The following PCDHA3 variants were observed in gnomAD, a reference collection of about 807,000 sequenced individuals.
PCDHA3 encodes the protein protocadherin alpha 3, also known as protocadherin alpha-3.
In PCDHA3, 41 loss-of-function variants were observed where a neutral mutation model predicts 62.2. That is an observed-to-expected ratio of 0.66 (90% CI 0.51 to 0.86). The LOEUF (loss-of-function observed/expected upper bound fraction) is 0.86, where lower values mean the gene tolerates loss of function less well. Among genes scored for constraint, PCDHA3 ranks in the 40% least tolerant of loss-of-function variants. The pLI is 0.00. For missense variants in PCDHA3, 1,304 were observed against 1,241.2 expected, an observed-to-expected ratio of 1.05 and a Z score of -0.76; for synonymous variants, 640 against 555.4, an observed-to-expected ratio of 1.15 and a Z score of -2.14.
chr5:140,875,917 G>A, intron 1 of PCDHA3: 1 of 1,614,146 alleles, frequency 6.2e-7, no homozygotes, highest in Non-Finnish European at 8.5e-7. Flanking sequence ...TGCGCCTCTG[G>A]ACTCTCATTT....
chr5:140,954,360 A>G (rs1203050549), intron 1 of PCDHA3, among the ~76,000 whole-genome samples: 2 of 152,212 alleles, frequency 1.3e-5, no homozygotes, highest in African/African-American at 4.8e-5. Flanking sequence ...GAATCGCCAC[A>G]CAGTCTCCCA....
chr5:140,816,829 G>A (rs1766003060), intron 1 of PCDHA3: 1 of 151,604 alleles, frequency 6.6e-6, no homozygotes, highest in African/African-American at 2.4e-5. Context: ...TTTTCCCTCT[G>A]TGGTGTCTGT....
intron 1 of PCDHA3, among the ~76,000 whole-genome samples, chr5:140,926,146 G>T (rs553563976): frequency 6.6e-5 from 10 of 152,056 alleles, no homozygotes; most frequent in Non-Finnish European, 1.3e-4. Context: ...GATCCAGCGC[G>T]GAAAGCTCTG....
intron 1 of PCDHA3, among the ~76,000 whole-genome samples, chr5:140,832,218 GGA>G (rs1345967956): frequency 6.6e-6 from 1 of 152,174 alleles, no homozygotes; most frequent in Non-Finnish European, 1.5e-5. Context: ...GTGATTTCCT[GGA>G]GTTGGTTTTG....
At chr5:140,887,930 A>G (rs1276226662) in intron 1 of PCDHA3, among the ~76,000 whole-genome samples, 1 of 152,096 alleles carries the variant, frequency 6.6e-6, no homozygotes, top group Non-Finnish European at 1.5e-5. Context: ...CAGAGACCAT[A>G]TTTATTTCTT....
In PCDHA3 at chr5:140,801,984, A is replaced by G. The variant is rs1762826561; in HGVS notation, c.787A>G (p.Thr263Ala). 5.0e-6 allele frequency: 8 copies of G among 1,614,222 alleles called. No homozygotes were observed. In the East Asian group the frequency reaches 1.8e-4, roughly 36 times the overall value. Residue 263 changes from threonine to alanine, a missense_variant, in exon 1 of 4, where the codon ACC becomes GCC. Physicochemically the swap from Thr to Ala is moderately conservative, Grantham distance 58. Transcript: ENST00000522353. ...ENAPNGTLVV[T>A]VNATDLDEGV... Reference sequence around the variant, plus strand: ...TGCACCAAATGGTACCCTAGTGGTGACCGTTAACGCCACCGATTTGGATGA... The same window carrying G: ...TGCACCAAATGGTACCCTAGTGGTGGCCGTTAACGCCACCGATTTGGATGA...
chr5:140,854,665 T>C (rs2043184095), intron 1 of PCDHA3: 1 of 150,092 alleles, frequency 6.7e-6, no homozygotes, highest in Non-Finnish European at 1.5e-5. Context: ...AATTAACCCT[T>C]GCATAAGACC....
In PCDHA3 at chr5:140,802,172, A is replaced by G. The variant is rs1554121920; in HGVS notation, c.975A>G (p.Lys325=). 2 of 1,614,260 alleles carry G rather than the reference A, an allele frequency of 1.2e-6. No homozygotes were observed. Among genetic ancestry groups the G allele is most frequent in the East Asian group, 4.5e-5 (2 of 44,886 alleles). ...AAATCCAGGTAGAAGCCACGGATAA[A>G]GGAAATCCCCCAATGTCAGATCACT... ...SYEIQVEATD[K]GNPPMSDHCT... Residue 325 remains lysine, a synonymous_variant, in exon 1 of 4, where the codon AAA becomes AAG. Coordinates refer to ENST00000522353, the MANE Select transcript of PCDHA3 (RefSeq NM_018906.3).
intron 1 of PCDHA3, chr5:140,841,790 G>T (rs2150322746): frequency 6.2e-7 from 1 of 1,613,884 alleles, no homozygotes. Flanking sequence ...GCTAGAGGGC[G>T]CGTCCGATGC....
chr5:140,877,700 G>A, intron 1 of PCDHA3: 1 of 1,613,996 alleles, frequency 6.2e-7, no homozygotes, highest in Non-Finnish European at 8.5e-7. Flanking sequence ...GTGTGCTCCA[G>A]CGCCGTGGGG....
chr5:141,000,894 ATAGACGCT>A (rs1348330251), intron 3 of PCDHA3, among the ~76,000 whole-genome samples: 1 of 152,128 alleles, frequency 6.6e-6, no homozygotes, highest in African/African-American at 2.4e-5. Context: ...GGCAACAGAT[ATAGACGCT>A]GTCTCTAAAA....
intron 1 of PCDHA3, chr5:140,858,561 C>A: frequency 7.3e-7 from 1 of 1,370,342 alleles, no homozygotes; most frequent in South Asian, 1.3e-5. Context: ...TTGAATATTT[C>A]TAGTGATACC....
At chr5:140,979,150 C>T (rs1470916466) in intron 2 of PCDHA3, 143 bp downstream of exon 2, 4 of 1,435,458 alleles carry the variant, frequency 2.8e-6, no homozygotes, top group Middle Eastern at 3.7e-4. Context: ...ATTTTGTCCC[C>T]ATGTTTATTC....
intron 1 of PCDHA3, chr5:140,967,709 G>A (rs1554229820): frequency 3.1e-6 from 5 of 1,614,022 alleles, no homozygotes; most frequent in Admixed American, 3.3e-5. Flanking sequence ...TGCCAGTACC[G>A]GGGAAGTGCG....
chr5:140,825,544 C>T (rs1554130274), intron 1 of PCDHA3: 1 of 151,620 alleles, frequency 6.6e-6, no homozygotes, highest in African/African-American at 2.4e-5. Context: ...CCTGCCTTAT[C>T]TTCCCAAGTA....
intron 1 of PCDHA3, among the ~76,000 whole-genome samples, chr5:140,837,878 C>T (rs1554136685): frequency 6.6e-6 from 1 of 151,624 alleles, no homozygotes; most frequent in Non-Finnish European, 1.5e-5. Context: ...AGGGTGGAGT[C>T]TTGTTTCCCA....
chr5:140,859,090 A>G (rs2045720842), intron 1 of PCDHA3: 1 of 150,172 alleles, frequency 6.7e-6, no homozygotes, highest in African/African-American at 2.4e-5. Context: ...GTCAGTGTGT[A>G]TTATTCACTT....
intron 1 of PCDHA3, chr5:140,968,986 A>C (rs143656335): frequency 6.8e-6 from 11 of 1,614,206 alleles, no homozygotes; most frequent in East Asian, 6.7e-5. Context: ...ATGGCACTGC[A>C]TGCTGTGGAG....
At chr5:140,999,327 G>A (rs1554256745) in intron 3 of PCDHA3, among the ~76,000 whole-genome samples, 1 of 152,200 alleles carries the variant, frequency 6.6e-6, no homozygotes, top group Non-Finnish European at 1.5e-5. Context: ...ATTGATCTGT[G>A]TGATTTATAA....
Sources: gnomAD v4.1 joint callset for allele counts (sites outside exome capture counted in the v4.1 genomes callset) on GRCh38, gnomAD v4.1.1 for gene constraint, MANE v1.5 for transcripts, NCBI Gene and HGNC (gene_info 2026-07-23, HGNC 2026-07-21) for gene names.